The following FBXL5 variants were observed in gnomAD, a reference collection of about 807,000 sequenced individuals.
The protein encoded by FBXL5 is F-box and leucine rich repeat protein 5.
FBXL5 carries 26 observed loss-of-function variants against 78.3 expected under a neutral mutation model. The observed-to-expected ratio is 0.33, with a 90% CI of 0.24 to 0.46. The LOEUF (loss-of-function observed/expected upper bound fraction) is 0.46. Among genes scored for constraint, FBXL5 ranks in the 20% least tolerant of loss-of-function variants. The pLI is 1.00. For missense variants in FBXL5, 710 were observed against 829.2 expected, an observed-to-expected ratio of 0.86 and a Z score of 1.77; for synonymous variants, 295 against 282.5, an observed-to-expected ratio of 1.04 and a Z score of -0.45.
At chr4:15,612,245 C>CA in intron 10 of FBXL5, 21 bp downstream of exon 10, 2 of 1,476,552 alleles carry the variant, frequency 1.4e-6, no homozygotes, top group African/African-American at 1.6e-5. Flanking sequence ...TCAAAATTAT[C>CA]GCACTGTTAA....
upstream of FBXL5, among the ~76,000 whole-genome samples, chr4:15,662,015 TAAAG>T (rs1008684045): frequency 6.6e-6 from 1 of 152,216 alleles, no homozygotes; most frequent in Admixed American, 6.5e-5. Context: ...TGAGGGCCAA[TAAAG>T]AGAGAGAGCA....
intron 9 of FBXL5, among the ~76,000 whole-genome samples, chr4:15,622,487 C>T (rs968399140): frequency 6.6e-6 from 1 of 152,200 alleles, no homozygotes; most frequent in African/African-American, 2.4e-5. Flanking sequence ...CAAATGATGC[C>T]TGTTTCTTTT....
intron 1 of FBXL5, among the ~76,000 whole-genome samples, chr4:15,670,654 A>G (rs1453907675): frequency 1.3e-5 from 2 of 152,082 alleles, no homozygotes; most frequent in Non-Finnish European, 2.9e-5. Flanking sequence ...CACAAAAGAA[A>G]CACTGGGCAA....
intron 1 of FBXL5, among the ~76,000 whole-genome samples, chr4:15,667,484 T>C (rs762338610): frequency 5.3e-5 from 8 of 152,180 alleles, no homozygotes; most frequent in Non-Finnish European, 8.8e-5. Flanking sequence ...TCAAATGGAA[T>C]AGTATTCCAT....
At chr4:15,642,398 A>G (rs1310221634) in intron 2 of FBXL5, among the ~76,000 whole-genome samples, 1 of 151,954 alleles carries the variant, frequency 6.6e-6, no homozygotes, top group Non-Finnish European at 1.5e-5. Context: ...ACTCCCAGCT[A>G]ATTTTTTTGG....
At chr4:15,642,850 T>C (rs1434558511) in intron 2 of FBXL5, among the ~76,000 whole-genome samples, 3 of 152,232 alleles carry the variant, frequency 2.0e-5, no homozygotes, top group Admixed American at 6.5e-5. Context: ...AATGAATCTT[T>C]TTTATTTCCT....
At chr4:15,659,854 A>G (rs1206750522), upstream of FBXL5, 1 of 372,536 alleles carries the variant, frequency 2.7e-6, no homozygotes, top group African/African-American at 2.2e-5. Flanking sequence ...CCTGAGGGAA[A>G]GGTGGCTACT....
At chr4:15,665,743 A>C (rs776932099) in intron 1 of FBXL5, among the ~76,000 whole-genome samples, 1 of 152,226 alleles carries the variant, frequency 6.6e-6, no homozygotes, top group Non-Finnish European at 1.5e-5. Flanking sequence ...TAGGATGAGA[A>C]TATCTGGCCC....
intron 1 of FBXL5, among the ~76,000 whole-genome samples, chr4:15,674,557 A>G (rs1445067692): frequency 6.6e-6 from 1 of 152,024 alleles, no homozygotes; most frequent in Non-Finnish European, 1.5e-5. Flanking sequence ...CAAAATTATT[A>G]CTCATGAAAC....
intron 1 of FBXL5, among the ~76,000 whole-genome samples, chr4:15,679,418 G>A (rs1294724761): frequency 1.3e-5 from 2 of 151,936 alleles, no homozygotes; most frequent in African/African-American, 2.4e-5. Flanking sequence ...AAATAAACCT[G>A]AGTAATATTT....
At chr4:15,680,954 G>A (rs1718228794) in intron 1 of FBXL5, among the ~76,000 whole-genome samples, 1 of 147,008 alleles carries the variant, frequency 6.8e-6, no homozygotes, top group South Asian at 2.1e-4. Flanking sequence ...TATGTTTTTT[G>A]TTTCACATAT....
chr4:15,668,076 A>G (rs73243118), intron 1 of FBXL5, among the ~76,000 whole-genome samples: 13,570 of 151,590 alleles, frequency 0.09, 769 homozygotes, highest in Non-Finnish European at 0.13. Context: ...CAATTTAACT[A>G]TCAACTTAAT....
At chr4:15,632,748 T>G (rs911048289) in intron 5 of FBXL5, among the ~76,000 whole-genome samples, 12 of 152,238 alleles carry the variant, frequency 7.9e-5, no homozygotes, top group Admixed American at 5.2e-4. Flanking sequence ...TTTTTGCACA[T>G]TGATTTTGTA....
At chr4:15,663,639 T>C (rs1717410995), upstream of FBXL5, among the ~76,000 whole-genome samples, 1 of 152,226 alleles carries the variant, frequency 6.6e-6, no homozygotes, top group South Asian at 2.1e-4. Context: ...TAGTGGACTG[T>C]GGTGGAGATT....
upstream of FBXL5, among the ~76,000 whole-genome samples, chr4:15,662,730 T>C (rs1717371304): frequency 6.6e-6 from 1 of 152,234 alleles, no homozygotes; most frequent in Non-Finnish European, 1.5e-5. Context: ...TCCATTATCT[T>C]TATGTAATCT....
At chr4:15,615,875 C>T (rs1711800687) in intron 9 of FBXL5, among the ~76,000 whole-genome samples, 2 of 152,136 alleles carry the variant, frequency 1.3e-5, no homozygotes, top group African/African-American at 4.8e-5. Context: ...TGGCAACCCG[C>T]TCAGGTCCCC....
At chr4:15,615,722 C>T (rs532564106) in intron 9 of FBXL5, among the ~76,000 whole-genome samples, 21 of 151,276 alleles carry the variant, frequency 1.4e-4, no homozygotes, top group African/African-American at 4.1e-4. Context: ...CTGATGGGGA[C>T]GTGGAGAACC....
At chr4:15,626,131 T>C (rs565418870) in intron 8 of FBXL5, among the ~76,000 whole-genome samples, 154 bp from the exon 9 acceptor site, 1 of 152,318 alleles carries the variant, frequency 6.6e-6, no homozygotes, top group African/African-American at 2.4e-5. Flanking sequence ...GTACTATTCT[T>C]GATGCTAGGG....
chr4:15,615,162 T>A (rs971322666), intron 9 of FBXL5, among the ~76,000 whole-genome samples: 1 of 152,142 alleles, frequency 6.6e-6, no homozygotes, highest in Non-Finnish European at 1.5e-5. Flanking sequence ...GGGGCAGGGC[T>A]CGGGACCTGC....
Sources: gnomAD v4.1 joint callset for allele counts (sites outside exome capture counted in the v4.1 genomes callset) on GRCh38, gnomAD v4.1.1 for gene constraint, MANE v1.5 for transcripts, NCBI Gene and HGNC (gene_info 2026-07-23, HGNC 2026-07-21) for gene names.